The following RAP1GAP2 variants were observed in gnomAD, a reference collection of about 807,000 sequenced individuals.
The protein encoded by RAP1GAP2 is rap1 GTPase-activating protein 2.
In RAP1GAP2, 27 loss-of-function variants were observed where a neutral mutation model predicts 95.0. The ratio of observed to expected loss-of-function variants is 0.28; its 90% CI spans 0.21 to 0.39. RAP1GAP2 has a LOEUF of 0.39. Among genes scored for constraint, RAP1GAP2 ranks in the 10% least tolerant of loss-of-function variants. The pLI is 1.00. For synonymous variants in RAP1GAP2, 373 were observed against 380.9 expected, an observed-to-expected ratio of 0.98 and a Z score of 0.24; for missense variants, 771 against 970.0, an observed-to-expected ratio of 0.79 and a Z score of 2.72.
At chr17:2,990,542 A>C (rs896814627) in intron 11 of RAP1GAP2, among the ~76,000 whole-genome samples, 4 of 151,644 alleles carry the variant, frequency 2.6e-5, no homozygotes, top group African/African-American at 9.7e-5. Flanking sequence ...CCCGGGAGTG[A>C]AGTTGCCGGA....
chr17:2,774,948 G>A (rs1228556614), upstream of RAP1GAP2, among the ~76,000 whole-genome samples: 2 of 151,784 alleles, frequency 1.3e-5, no homozygotes, highest in Admixed American at 1.3e-4. Context: ...AGCCTCCTGA[G>A]TAGCTGGGAT....
chr17:2,765,318 C>T (rs780273965), intron 1 of RAP1GAP2, among the ~76,000 whole-genome samples: 1 of 152,242 alleles, frequency 6.6e-6, no homozygotes, highest in Non-Finnish European at 1.5e-5. Context: ...AGCACATTCT[C>T]AAGTCGCCCC....
rs2042071836 is a variant in RAP1GAP2, at chr17:2,902,901, G to T, written c.81-2383G>T. 1.3e-5 allele frequency among the ~76,000 whole-genome samples: 2 copies of T among 152,160 alleles called. No individual in the cohort carries two copies. The highest frequency in any genetic ancestry group is 4.1e-4 in the South Asian group (2 of 4,832). ...CTTGAACAATAATCATATGTGCCCT[G>T]GTGCCATGAGCGTGGACACCTTGTG... On this transcript the variant is annotated intron_variant, in intron 2 of 24. Transcript: ENST00000254695. This position sits in a 1 kb window ranked among gnomAD's most constrained non-coding sequence, Gnocchi z 4.1.
chr17:3,024,250 A>T (rs772917880), intron 19 of RAP1GAP2, among the ~76,000 whole-genome samples: 36 of 152,174 alleles, frequency 2.4e-4, no homozygotes, highest in Non-Finnish European at 5.0e-4. Flanking sequence ...AAGGGAGGAC[A>T]TCTGTGTCAG....
At chr17:2,778,976 C>T (rs114243082) in intron 1 of RAP1GAP2, among the ~76,000 whole-genome samples, 3,592 of 152,316 alleles carry the variant, frequency 0.024, 135 homozygotes, top group African/African-American at 0.08. Flanking sequence ...TGTGGACATT[C>T]GCTCCCGTGT....
chr17:2,815,283 C>G lies in RAP1GAP2; in HGVS notation c.80+14733C>G, dbSNP rs186855082. Among the ~76,000 whole-genome samples, 4 of 152,152 alleles carry G rather than the reference C, an allele frequency of 2.6e-5. No individual in the cohort carries two copies. The East Asian group carries it at 5.8e-4, about 22-fold the overall frequency. On this transcript the variant is annotated intron_variant, in intron 2 of 24. Coordinates refer to ENST00000254695, the MANE Select transcript of RAP1GAP2 (RefSeq NM_015085.5). The stretch of plus-strand genomic sequence containing the variant: ...GTCAGGTTCACGTACTCTGGGTGAC[C>G]TGGGGCAGGCTGCGCAACCTCTCTG...
chr17:2,761,587 CA>C (rs2071249912), intron 1 of RAP1GAP2, among the ~76,000 whole-genome samples: 1 of 152,136 alleles, frequency 6.6e-6, no homozygotes, highest in African/African-American at 2.4e-5. Context: ...CGCACCCGGC[CA>C]GGGGGGTGCC....
At chr17:2,972,043 A>G (rs976764351) in intron 8 of RAP1GAP2, among the ~76,000 whole-genome samples, 1 of 152,236 alleles carries the variant, frequency 6.6e-6, no homozygotes, top group Non-Finnish European at 1.5e-5. Context: ...AACTCATGCT[A>G]TTAAATTGCT....
intron 2 of RAP1GAP2, among the ~76,000 whole-genome samples, chr17:2,823,142 G>A (rs553662726): frequency 6.6e-6 from 1 of 152,090 alleles, no homozygotes; most frequent in Non-Finnish European, 1.5e-5. Context: ...CATGGGGCTG[G>A]CTTCCGGATA....
At chr17:2,886,135 ATGTGTGTGTGTGTG>A (rs140784056) in intron 2 of RAP1GAP2, among the ~76,000 whole-genome samples, 1 of 130,552 alleles carries the variant, frequency 7.7e-6, no homozygotes, top group African/African-American at 2.9e-5. Context: ...ATATGTATTT[ATGTGTGTGTGTGTG>A]TGTGTGTGTG....
rs529515691 is a variant in RAP1GAP2, at chr17:2,971,353, T to C, written c.596+5710T>C. 1.6e-4 allele frequency among the ~76,000 whole-genome samples: 24 copies of C among 152,278 alleles called. No homozygotes were observed. The East Asian group carries it at 4.6e-3, about 29-fold the overall frequency. ...ACAGAATATTTATAAAGTAATGACATTTATAATACTATACATAAAACCTAT... is the reference window on the plus strand; with the variant it reads ...ACAGAATATTTATAAAGTAATGACACTTATAATACTATACATAAAACCTAT... On this transcript the variant is annotated intron_variant, in intron 8 of 24. Coordinates refer to ENST00000254695, the MANE Select transcript of RAP1GAP2 (RefSeq NM_015085.5).
chr17:2,804,353 A>G (rs1236329341), intron 2 of RAP1GAP2, among the ~76,000 whole-genome samples: 1 of 152,224 alleles, frequency 6.6e-6, no homozygotes, highest in East Asian at 1.9e-4. Context: ...CTCATGAAGC[A>G]GGCACCAATC....
chr17:2,997,774 A>G (rs1036535391), intron 13 of RAP1GAP2, among the ~76,000 whole-genome samples: 3 of 151,956 alleles, frequency 2.0e-5, no homozygotes, highest in Admixed American at 1.3e-4. Flanking sequence ...AAATACAGAA[A>G]TTAGTGGGTG....
chr17:2,762,090 G>A (rs1168964970), intron 1 of RAP1GAP2, among the ~76,000 whole-genome samples: 5 of 135,402 alleles, frequency 3.7e-5, no homozygotes, highest in Non-Finnish European at 7.6e-5. Flanking sequence ...CCAGGTTCAC[G>A]CCATTCTCTA....
intron 2 of RAP1GAP2, among the ~76,000 whole-genome samples, chr17:2,801,570 C>CTAGGACCTG (rs2069294542): frequency 1.3e-5 from 2 of 150,902 alleles, no homozygotes; most frequent in African/African-American, 4.9e-5. Context: ...TCCCCGCCTA[C>CTAGGACCTG]TAGGACCTGA....
chr17:2,834,749 A>G (rs376290530), intron 2 of RAP1GAP2, among the ~76,000 whole-genome samples: 2 of 151,966 alleles, frequency 1.3e-5, no homozygotes, highest in South Asian at 4.2e-4. Flanking sequence ...GGGAGCTGTG[A>G]TCTCATCACT....
intron 3 of RAP1GAP2, among the ~76,000 whole-genome samples, chr17:2,945,630 A>G (rs1369098693): frequency 6.7e-6 from 1 of 149,762 alleles, no homozygotes; most frequent in African/African-American, 2.5e-5. Context: ...AATGCCTTTT[A>G]TGTCAAGGAA....
chr17:2,842,529 CAAAA>C lies in RAP1GAP2; in HGVS notation c.80+41999_80+42002del, dbSNP rs34473053. Among the ~76,000 whole-genome samples the C allele has an allele frequency of 4.4e-3, 345 of 78,060 alleles. 1 individual carries two copies. Among genetic ancestry groups the C allele is most frequent in the African/African-American group, 0.012 (260 of 21,684 alleles). The allele number at this position is 78,060 out of a possible 152,430, so 51.2% of individuals were successfully genotyped here. On this transcript the variant is annotated intron_variant, in intron 2 of 24. Transcript: ENST00000254695. ...TGGGTGACAGAGCGAGATTCCGTCT[CAAAA>C]AAAAAAAAAAAAAAAAAAATACCAC...
At position 3,027,875 on chromosome 17, in the gene RAP1GAP2, A is replaced by T. The variant is rs571785107; in HGVS notation, c.2107+805A>T. On this transcript the variant is annotated intron_variant, in intron 22 of 24. Transcript: ENST00000254695. The surrounding 1 kb of genome is among the most constrained non-coding windows in gnomAD (Gnocchi z 5.2). ...AGGTAAAATGTACGGGCTCAGTAGC[A>T]GGGGTTCAGAGAGAGCAGGAGTCTG... 6.6e-6 allele frequency among the ~76,000 whole-genome samples: 1 copy of T among 152,060 alleles called. No individual in the cohort carries two copies. The highest frequency in any genetic ancestry group is 2.4e-5 in the African/African-American group (1 of 41,486).
Sources: allele counts gnomAD v4.1 joint callset (sites outside exome capture counted in the v4.1 genomes callset), GRCh38; gene constraint gnomAD v4.1.1; non-coding constraint Gnocchi (gnomAD v3.1); transcripts MANE v1.5; gene names NCBI Gene and HGNC (gene_info 2026-07-23, HGNC 2026-07-21).